PHLPP2: variants seen among roughly 807,000 people sequenced by gnomAD.
PHLPP2 encodes PH domain leucine-rich repeat-containing protein phosphatase 2.
In PHLPP2, 66 loss-of-function variants were observed where a neutral mutation model predicts 124.9. The ratio of observed to expected loss-of-function variants is 0.53; its 90% CI spans 0.43 to 0.65. The LOEUF (loss-of-function observed/expected upper bound fraction) is 0.65. PHLPP2 is among the 30% of genes least tolerant of loss of function. PHLPP2 has a pLI of 0.00. For missense variants in PHLPP2, 1,685 were observed against 1,600.4 expected, an observed-to-expected ratio of 1.05 and a Z score of -0.90; for synonymous variants, 681 against 624.7, an observed-to-expected ratio of 1.09 and a Z score of -1.34.
chr16:71,690,475 T>C, intron 4 of PHLPP2, 44 bp downstream of exon 4: 2 of 1,300,732 alleles, frequency 1.5e-6, no homozygotes, highest in Non-Finnish European at 2.2e-6. Context: ...ATTTTCTTAA[T>C]TAAGATGATC....
chr16:71,650,360 G>A (rs1453717688), intron 18 of PHLPP2, among the ~76,000 whole-genome samples: 1 of 152,160 alleles, frequency 6.6e-6, no homozygotes, highest in Non-Finnish European at 1.5e-5. Context: ...AAAACAGTAA[G>A]CAGAACTATC....
At position 71,652,141 on chromosome 16, in the gene PHLPP2, A is replaced by C. The variant is rs1239909150; in HGVS notation, c.2817+649T>G. 2.6e-5 allele frequency among the ~76,000 whole-genome samples: 4 copies of C among 152,246 alleles called. No homozygotes were observed. The East Asian group carries it at 7.7e-4, about 29-fold the overall frequency. ...TTGCAAAACAGGTATCTGATAAAGA[A>C]CTTGTTTCCAAAATATACAAAGACT... On this transcript the variant is annotated intron_variant, in intron 18 of 18. Coordinates refer to ENST00000568954, the MANE Select transcript of PHLPP2 (RefSeq NM_015020.3).
chr16:71,659,042 T>C (rs2044765777), intron 13 of PHLPP2, among the ~76,000 whole-genome samples: 1 of 152,104 alleles, frequency 6.6e-6, no homozygotes, highest in African/African-American at 2.4e-5. Flanking sequence ...TCAAGGGCTG[T>C]TGGATCTTGT....
Position 71,649,420 on chromosome 16 carries a change from C to A in PHLPP2, c.3442G>T (p.Asp1148Tyr), listed in dbSNP as rs559109896. The stretch of plus-strand genomic sequence containing the variant: ...TCAACGGGCTGGTCATCATCACTGT[C>A]CAGGCCGTTGTCAGACTGGTTACTG... ...FSSNQSDNGL[D>Y]SDDDQPVEGV... is the part of the protein sequence containing the mutation. Residue 1148 changes from aspartate (D) to tyrosine (Y), a missense_variant, in exon 19 of 19, where the codon GAC (aspartate) becomes TAC (tyrosine). Transcript: ENST00000568954. The A allele has an allele frequency of 6.2e-7, 1 of 1,614,028 alleles. No individual in the cohort carries two copies. The highest frequency in any genetic ancestry group is 2.2e-5 in the East Asian group (1 of 44,896).
intron 18 of PHLPP2, among the ~76,000 whole-genome samples, chr16:71,651,402 C>G (rs1442541404): frequency 1.3e-5 from 2 of 148,924 alleles, no homozygotes; most frequent in Non-Finnish European, 3.0e-5. Flanking sequence ...ACTAGTCAAA[C>G]AAAAAGTTAT....
chr16:71,706,851 G>A (rs530383504), intron 2 of PHLPP2, among the ~76,000 whole-genome samples: 1 of 149,790 alleles, frequency 6.7e-6, no homozygotes, highest in South Asian at 2.1e-4. Context: ...CACTTTATGT[G>A]TTAACTTATT....
At chr16:71,683,305 T>C (rs942141156) in intron 5 of PHLPP2, among the ~76,000 whole-genome samples, 1 of 152,232 alleles carries the variant, frequency 6.6e-6, no homozygotes, top group African/African-American at 2.4e-5. Flanking sequence ...CTTTATTGCT[T>C]TTCAAAGGCT....
At position 71,658,581 on chromosome 16, in the gene PHLPP2, A is replaced by G. The variant is rs891094026; in HGVS notation, c.2148+72T>C. Reference sequence around the variant, plus strand: ...TCACACTCCTTTCTTCTTCTTTATAAAAGGAAAATAATGTCATTCACTCTC... The same window carrying G: ...TCACACTCCTTTCTTCTTCTTTATAGAAGGAAAATAATGTCATTCACTCTC... On this transcript the variant is annotated intron_variant, in intron 14 of 18. Coordinates refer to ENST00000568954, the MANE Select transcript of PHLPP2 (RefSeq NM_015020.3). The G allele has an allele frequency of 1.1e-5, 16 of 1,467,660 alleles. No individual in the cohort carries two copies. In the African/African-American group the frequency reaches 2.1e-4, roughly 19 times the overall value. 90.9% of individuals were successfully genotyped at this position (1,467,660 alleles called of 1,614,324 possible).
intron 2 of PHLPP2, among the ~76,000 whole-genome samples, chr16:71,713,683 G>C (rs954281210): frequency 1.3e-5 from 2 of 152,074 alleles, no homozygotes; most frequent in African/African-American, 2.4e-5. Flanking sequence ...ATCTCTAAAA[G>C]ATATTAAGTC....
chr16:71,696,219 G>A (rs1207856290), intron 3 of PHLPP2, among the ~76,000 whole-genome samples: 1 of 152,118 alleles, frequency 6.6e-6, no homozygotes, highest in Non-Finnish European at 1.5e-5. Flanking sequence ...TAGTATTTTT[G>A]CAATCGGGGA....
chr16:71,664,294 C>T, intron 12 of PHLPP2, 195 bp from the exon 13 acceptor site: 1 of 595,070 alleles, frequency 1.7e-6, no homozygotes, highest in Non-Finnish European at 3.0e-6. Flanking sequence ...CTCATGCAAA[C>T]CAAGTAGAGA....
chr16:71,678,171 A>C (rs1397243965), intron 8 of PHLPP2: 1 of 152,212 alleles, frequency 6.6e-6, no homozygotes, highest in Non-Finnish European at 1.5e-5. Context: ...TCTATAAAAA[A>C]TTTTTAAAAT....
rs148131320 is a variant in PHLPP2, at chr16:71,684,393, T to A, written c.735+83A>T. ...CGTCCACCTCGGCCTCCCAAAGTGC[T>A]GGGATTACAGACGTGAGCCACCACG... On this transcript the variant is annotated intron_variant, in intron 5 of 18. Coordinates refer to ENST00000568954, the MANE Select transcript of PHLPP2 (RefSeq NM_015020.3). The A allele has an allele frequency of 4.7e-4, 681 of 1,435,900 alleles. 5 individuals are homozygous for A. In the African/African-American group the frequency reaches 8.2e-3, roughly 17 times the overall value. 88.9% of individuals were successfully genotyped at this position (1,435,900 alleles called of 1,614,324 possible).
intron 1 of PHLPP2, chr16:71,723,784 C>G: frequency 7.6e-7 from 1 of 1,316,652 alleles, no homozygotes; most frequent in African/African-American, 1.6e-5. Context: ...GGACCCGGAT[C>G]CCTCCCGGCC....
intron 1 of PHLPP2, chr16:71,723,160 G>T (rs898390418): frequency 6.6e-6 from 1 of 152,276 alleles, no homozygotes; most frequent in East Asian, 1.9e-4. Flanking sequence ...TCCCCGCGAC[G>T]CAGCTCCAGC....
chr16:71,675,503 A>C (rs186570880), intron 9 of PHLPP2, among the ~76,000 whole-genome samples: 4 of 152,332 alleles, frequency 2.6e-5, no homozygotes, highest in Admixed American at 2.6e-4. Context: ...ACGAATTGGC[A>C]AACTTTTTCT....
chr16:71,673,208 T>C (rs2044910415), intron 9 of PHLPP2, among the ~76,000 whole-genome samples: 1 of 152,240 alleles, frequency 6.6e-6, no homozygotes, highest in Non-Finnish European at 1.5e-5. Flanking sequence ...TAAGTCCTTA[T>C]ATTGAACGTA....
chr16:71,719,408 C>A (rs992666484), intron 1 of PHLPP2, among the ~76,000 whole-genome samples: 1 of 152,078 alleles, frequency 6.6e-6, no homozygotes, highest in African/African-American at 2.4e-5. Context: ...GGTGGTGGCA[C>A]GCATGCCTGT....
chr16:71,721,137 A>G (rs2145391558), intron 1 of PHLPP2, among the ~76,000 whole-genome samples: 1 of 150,478 alleles, frequency 6.6e-6, no homozygotes, highest in African/African-American at 2.4e-5. Context: ...GTTGAAGGCC[A>G]GCCTAGGCAA....
Sources: allele counts gnomAD v4.1 joint callset (sites outside exome capture counted in the v4.1 genomes callset), GRCh38; gene constraint gnomAD v4.1.1; transcripts MANE v1.5; gene names NCBI Gene and HGNC (gene_info 2026-07-23, HGNC 2026-07-21).